Variants in TSPAN33 observed in about 807,000 individuals in gnomAD.
TSPAN33 encodes the protein tetraspanin 33, also known as tetraspanin-33.
Under a neutral mutation model 34.8 loss-of-function variants are expected in TSPAN33, and 27 were observed. The ratio of observed to expected loss-of-function variants is 0.78; its 90% CI spans 0.57 to 1.07. The LOEUF (loss-of-function observed/expected upper bound fraction) is 1.07, where lower values mean the gene tolerates loss of function less well. TSPAN33 is among the 50% of genes least tolerant of loss of function. The pLI is 0.00. For synonymous variants in TSPAN33, 119 were observed against 124.2 expected (o/e 0.96, Z 0.28); for missense variants, 272 against 324.9 (o/e 0.84, Z 1.25).
rs75193083 is a variant in TSPAN33 at position 129,159,675 on chromosome 7, C to T, written c.103-2004C>T. ...CTGACTCTGGTGGAGGACTGGCCACCAGGCCTGGGGAATGACTGGCATCTC... is the reference window on the plus strand; with the variant it reads ...CTGACTCTGGTGGAGGACTGGCCACTAGGCCTGGGGAATGACTGGCATCTC... On this transcript the variant is annotated intron_variant, in intron 1 of 7. Coordinates refer to ENST00000486685, the MANE Select transcript of TSPAN33 (RefSeq NM_178562.5). Among the ~76,000 whole-genome samples, 199 of 152,300 alleles carry T rather than the reference C, an allele frequency of 1.3e-3. 1 individual carries two copies. Among genetic ancestry groups the T allele is most frequent in the African/African-American group, 4.6e-3 (191 of 41,546 alleles).
chr7:129,145,982 C>T (rs1810515196), intron 1 of TSPAN33, among the ~76,000 whole-genome samples: 2 of 151,990 alleles, frequency 1.3e-5, no homozygotes, highest in Non-Finnish European at 2.9e-5. Flanking sequence ...GACCCTGTTT[C>T]CTGGCTAGAG....
Position 129,161,705 on chromosome 7 carries a change from G to T in TSPAN33, c.129G>T (p.Val43=). ...TGATTTCCATGGTGATGGTGGCTGT[G>T]GGTGTCTACGCTCGGCTAATGAAGC... is the stretch of plus-strand genomic sequence containing the variant. The part of the protein sequence containing the change: ...FWVISMVMVA[V]GVYARLMKHA... Residue 43 remains valine (V), a synonymous_variant, in exon 2 of 8, where the codon GTG becomes GTT. Coordinates refer to ENST00000486685, the MANE Select transcript of TSPAN33 (RefSeq NM_178562.5). 1 of 1,614,192 alleles carries T rather than the reference G, an allele frequency of 6.2e-7. No individual in the cohort carries two copies. The highest frequency in any genetic ancestry group is 8.5e-7 in the Non-Finnish European group (1 of 1,180,024).
chr7:129,156,414 T>C (rs1810665339), intron 1 of TSPAN33, among the ~76,000 whole-genome samples: 1 of 152,080 alleles, frequency 6.6e-6, no homozygotes, highest in African/African-American at 2.4e-5. Context: ...AAAGTCACTA[T>C]GCACAGTCTG....
At position 129,168,043 on chromosome 7, in the gene TSPAN33, C is replaced by T. The variant is rs1360600534; in HGVS notation, c.*169C>T. On this transcript the variant is annotated 3_prime_UTR_variant, in exon 8 of 8. Transcript: ENST00000486685. ...CAGAAGGCAGGGTGCACAGGTGGCT[C>T]CAGTCTCAGGAGGATGCGCCTCCTC... The T allele has an allele frequency of 7.9e-6, 11 of 1,396,132 alleles. No homozygotes were observed. The East Asian group carries it at 2.8e-4, about 35-fold the overall frequency. The allele number at this position is 1,396,132 out of a possible 1,614,324, so 86.5% of individuals were successfully genotyped here.
At chr7:129,150,944 G>GA (rs1326807326) in intron 1 of TSPAN33, among the ~76,000 whole-genome samples, 1 of 151,672 alleles carries the variant, frequency 6.6e-6, no homozygotes, top group Admixed American at 6.6e-5. Flanking sequence ...AAAGAGAAAA[G>GA]AAAAAAAGCT....
chr7:129,151,978 G>A (rs2150621953), intron 1 of TSPAN33, among the ~76,000 whole-genome samples: 1 of 152,274 alleles, frequency 6.6e-6, no homozygotes, highest in East Asian at 1.9e-4. Context: ...TCAAATATGT[G>A]TAATCTGAAT....
chr7:129,160,921 AT>A (rs1355302644), intron 1 of TSPAN33, among the ~76,000 whole-genome samples: 5 of 152,224 alleles, frequency 3.3e-5, no homozygotes, highest in African/African-American at 1.2e-4. Context: ...ATTGTGTTAA[AT>A]TATTTCCATG....
chr7:129,161,462 C>T (rs1189360999), intron 1 of TSPAN33, among the ~76,000 whole-genome samples: 1 of 152,188 alleles, frequency 6.6e-6, no homozygotes, highest in Non-Finnish European at 1.5e-5. Context: ...GTGTTACGAG[C>T]ACTGAATGAA....
In TSPAN33 at chr7:129,168,936, C is replaced by T. The variant is rs1793185886; in HGVS notation, c.*1062C>T. 6.6e-6 allele frequency: 1 copy of T among 152,346 alleles called. No homozygotes were observed. The highest frequency in any genetic ancestry group is 1.5e-5 in the Non-Finnish European group (1 of 68,144). 9.4% of individuals were successfully genotyped at this position (152,346 alleles called of 1,614,324 possible). Reference sequence around the variant, plus strand: ...AGACTCTCCTAAACGCCACACACCTCCCCCTTGCTGCCCGCCACACGCGCG... The same window carrying T: ...AGACTCTCCTAAACGCCACACACCTTCCCCTTGCTGCCCGCCACACGCGCG... On this transcript the variant is annotated 3_prime_UTR_variant, in exon 8 of 8. Transcript: ENST00000486685.
At chr7:129,149,952 G>A (rs368669488) in intron 1 of TSPAN33, among the ~76,000 whole-genome samples, 3 of 152,260 alleles carry the variant, frequency 2.0e-5, no homozygotes, top group African/African-American at 2.4e-5. Flanking sequence ...CGGGGCCACA[G>A]GCTGAAAGCT....
At position 129,168,025 on chromosome 7, in the gene TSPAN33, C is replaced by T. The variant is rs1793170870; in HGVS notation, c.*151C>T. On this transcript the variant is annotated 3_prime_UTR_variant, in exon 8 of 8. Transcript: ENST00000486685. Reference sequence around the variant, plus strand: ...AAGCAAACTCCAGATGGGCAGAAGGCAGGGTGCACAGGTGGCTCCAGTCTC... The same window carrying T: ...AAGCAAACTCCAGATGGGCAGAAGGTAGGGTGCACAGGTGGCTCCAGTCTC... The T allele has an allele frequency of 3.5e-6, 5 of 1,438,952 alleles. No homozygotes were observed. The Admixed American group carries it at 7.6e-5, about 22-fold the overall frequency. 89.1% of individuals were successfully genotyped at this position (1,438,952 alleles called of 1,614,324 possible).
At position 129,167,665 on chromosome 7, in the gene TSPAN33, C is replaced by T; in HGVS notation, c.750+105C>T. 1 of 1,557,836 alleles carries T rather than the reference C, an allele frequency of 6.4e-7. No individual in the cohort carries two copies. The highest frequency in any genetic ancestry group is 8.8e-7 in the Non-Finnish European group (1 of 1,137,196). On this transcript the variant is annotated intron_variant, in intron 7 of 7. Transcript: ENST00000486685. This position sits in a 1 kb window ranked among gnomAD's most constrained non-coding sequence, Gnocchi z 4.6. ...GCGAGGGTGTCAGGCACTGACATGG[C>T]TGAGGGGTAGGGAAAGGGATAGTGC...
chr7:129,147,757 C>T (rs1378905187), intron 1 of TSPAN33, among the ~76,000 whole-genome samples: 3 of 152,144 alleles, frequency 2.0e-5, no homozygotes, highest in Non-Finnish European at 4.4e-5. Flanking sequence ...GGAAGGTGTC[C>T]GGCATCCTCT....
chr7:129,162,807 C>T (rs369514527), intron 3 of TSPAN33, 26 bp from the exon 4 acceptor site: 137 of 1,612,176 alleles, frequency 8.5e-5, no homozygotes, highest in East Asian at 4.0e-4. Flanking sequence ...TGGTCCTAGA[C>T]GCCTCTTCTT....
intron 1 of TSPAN33, among the ~76,000 whole-genome samples, chr7:129,157,163 G>A (rs1810674939): frequency 6.6e-6 from 1 of 152,204 alleles, no homozygotes; most frequent in Non-Finnish European, 1.5e-5. Context: ...AATGAGATTG[G>A]GAGGTTGGAT....
intron 3 of TSPAN33, 31 bp downstream of exon 3, chr7:129,162,552 C>A: frequency 6.2e-7 from 1 of 1,608,050 alleles, no homozygotes; most frequent in South Asian, 1.1e-5. Flanking sequence ...TGGAAAGACC[C>A]TGGCCCTCTC....
intron 1 of TSPAN33, among the ~76,000 whole-genome samples, chr7:129,147,813 G>T (rs1810541624): frequency 6.6e-6 from 1 of 152,208 alleles, no homozygotes; most frequent in Admixed American, 6.5e-5. Flanking sequence ...TACGTCTGCT[G>T]TTGCTCTAGA....
chr7:129,162,651 G>A lies in TSPAN33; in HGVS notation c.288+130G>A, dbSNP rs572716011. ...TGTGCTGTCCACCCCTCAGTGCAGA[G>A]CTTAGCCCGGGTGACCCAGCACAGG... On this transcript the variant is annotated intron_variant, in intron 3 of 7. Coordinates refer to ENST00000486685, the MANE Select transcript of TSPAN33 (RefSeq NM_178562.5). The A allele has an allele frequency of 4.0e-6, 6 of 1,502,032 alleles. No individual in the cohort carries two copies. The East Asian group carries it at 1.1e-4, about 28-fold the overall frequency. The allele number at this position is 1,502,032 out of a possible 1,614,324, so 93.0% of individuals were successfully genotyped here. A position where few individuals can be genotyped will look rare whatever the true frequency, so the allele number is the denominator to read the frequency against.
At chr7:129,164,820 A>C (rs1584641311) in intron 5 of TSPAN33, 2 of 412,298 alleles carry the variant, frequency 4.9e-6, no homozygotes, top group East Asian at 9.5e-5. Context: ...CAGATTCTTG[A>C]ATATTACCTC....
Sources: gnomAD v4.1 joint callset for allele counts (sites outside exome capture counted in the v4.1 genomes callset) on GRCh38, gnomAD v4.1.1 for gene constraint, Gnocchi (gnomAD v3.1) non-coding constraint, MANE v1.5 for transcripts, NCBI Gene and HGNC (gene_info 2026-07-23, HGNC 2026-07-21) for gene names.